Variants in BRINP3 observed in about 807,000 individuals in gnomAD.
The protein encoded by BRINP3 is BMP/retinoic acid-inducible neural-specific protein 3.
In BRINP3, 19 loss-of-function variants were observed where a neutral mutation model predicts 71.0. The ratio of observed to expected loss-of-function variants is 0.27; its 90% CI spans 0.19 to 0.39. The LOEUF (loss-of-function observed/expected upper bound fraction) is 0.39. BRINP3 is among the 10% of genes least tolerant of loss of function. The probability of loss-of-function intolerance (pLI) is 1.00; values close to 1 mark genes in which losing one functional copy is unlikely to be tolerated. For missense variants in BRINP3, 959 were observed against 940.8 expected (o/e 1.02, Z -0.25); for synonymous variants, 380 against 337.7 (o/e 1.13, Z -1.37).
intron 6 of BRINP3, among the ~76,000 whole-genome samples, chr1:190,199,327 A>G (rs141789077): frequency 0.015 from 2,310 of 152,214 alleles, 71 homozygotes; most frequent in African/African-American, 0.052. Context: ...TTGTATAACC[A>G]TTTTATTCTC....
chr1:190,450,164 A>G (rs958634376), intron 2 of BRINP3, among the ~76,000 whole-genome samples: 1 of 152,094 alleles, frequency 6.6e-6, no homozygotes, highest in Admixed American at 6.6e-5. Context: ...TCAAGGTAGG[A>G]TCCTGTCGTA....
At chr1:190,360,387 T>C (rs528368173) in intron 2 of BRINP3, among the ~76,000 whole-genome samples, 1 of 152,300 alleles carries the variant, frequency 6.6e-6, no homozygotes, top group African/African-American at 2.4e-5. Context: ...GATATATGTC[T>C]CTAGCTTGCT....
At chr1:190,282,329 A>ATT (rs1348494780) in intron 2 of BRINP3, among the ~76,000 whole-genome samples, 1 of 151,784 alleles carries the variant, frequency 6.6e-6, no homozygotes, top group Non-Finnish European at 1.5e-5. Flanking sequence ...ATGCAAAGTG[A>ATT]TTTTATGGAT....
At chr1:190,366,614 C>T (rs1220302115) in intron 2 of BRINP3, among the ~76,000 whole-genome samples, 78 of 152,088 alleles carry the variant, frequency 5.1e-4, no homozygotes, top group Admixed American at 5.1e-3. Context: ...AAGTCCTATG[C>T]CAAAGTCTCA....
chr1:190,115,869 C>CT (rs1198536430), intron 7 of BRINP3, among the ~76,000 whole-genome samples: 1 of 152,046 alleles, frequency 6.6e-6, no homozygotes, highest in African/African-American at 2.4e-5. Context: ...ATTTGGCTTT[C>CT]TTTTTACATT....
intron 2 of BRINP3, among the ~76,000 whole-genome samples, chr1:190,321,836 A>G (rs1229092298): frequency 2.0e-5 from 3 of 152,202 alleles, no homozygotes; most frequent in South Asian, 2.1e-4. Context: ...CAAACCTCAC[A>G]CCATTTGGAA....
chr1:190,275,716 G>A (rs1368383634), intron 3 of BRINP3, among the ~76,000 whole-genome samples: 2 of 151,524 alleles, frequency 1.3e-5, no homozygotes, highest in Non-Finnish European at 3.0e-5. Flanking sequence ...ATAATAAAAT[G>A]TCCAATGTTC....
chr1:190,219,053 TA>T (rs561992032), intron 6 of BRINP3, among the ~76,000 whole-genome samples: 111 of 152,060 alleles, frequency 7.3e-4, no homozygotes, highest in Middle Eastern at 3.4e-3. Context: ...GCAATGCAAA[TA>T]GGGGATTCAG....
chr1:190,362,022 A>G (rs1485476604), intron 2 of BRINP3: 2 of 152,150 alleles, frequency 1.3e-5, no homozygotes, highest in African/African-American at 4.8e-5. Context: ...AAAAGATACC[A>G]GATAACTTGG....
chr1:190,461,146 T>C (rs1018089344), intron 1 of BRINP3, among the ~76,000 whole-genome samples: 2 of 152,208 alleles, frequency 1.3e-5, no homozygotes, highest in Admixed American at 1.3e-4. Flanking sequence ...TTAAAATAAC[T>C]TATGAAATTA....
intron 7 of BRINP3, among the ~76,000 whole-genome samples, chr1:190,145,448 G>A (rs1655803559): frequency 6.6e-6 from 1 of 152,132 alleles, no homozygotes; most frequent in Non-Finnish European, 1.5e-5. Context: ...CTTTTGAACT[G>A]CTTTCTTTAG....
chr1:190,260,051 A>G (rs987704837), intron 4 of BRINP3, among the ~76,000 whole-genome samples: 17 of 143,380 alleles, frequency 1.2e-4, no homozygotes, highest in Non-Finnish European at 2.3e-4. Flanking sequence ...AAAAAAAAAA[A>G]GAAGCAACTT....
intron 7 of BRINP3, among the ~76,000 whole-genome samples, chr1:190,148,475 A>T (rs958882163): frequency 6.6e-6 from 1 of 151,694 alleles, no homozygotes; most frequent in African/African-American, 2.4e-5. Flanking sequence ...GGGCGCCTGT[A>T]GTCCCAGCTA....
chr1:190,197,449 T>C (rs1654587233), intron 6 of BRINP3, among the ~76,000 whole-genome samples: 2 of 152,182 alleles, frequency 1.3e-5, no homozygotes, highest in Admixed American at 1.3e-4. Flanking sequence ...CCCTTCCATC[T>C]ATGAGGCTGT....
At chr1:190,265,106 T>A (rs755802011) in intron 3 of BRINP3, 51 bp from the exon 4 acceptor site, 1 of 1,513,686 alleles carries the variant, frequency 6.6e-7, no homozygotes, top group Admixed American at 2.1e-5. Flanking sequence ...AAATCTTTTT[T>A]TTTAACTTAT....
intron 5 of BRINP3, among the ~76,000 whole-genome samples, chr1:190,228,497 A>G (rs1018927731): frequency 6.6e-6 from 1 of 151,644 alleles, no homozygotes; most frequent in Non-Finnish European, 1.5e-5. Flanking sequence ...AGAAGGCAGG[A>G]GAAGTAATTT....
chr1:190,134,454 AAAATAAAC>A lies in BRINP3; in HGVS notation c.1184+26206_1184+26213del, dbSNP rs200955682. 5.6e-3 allele frequency among the ~76,000 whole-genome samples: 851 copies of A among 152,274 alleles called. 10 individuals are homozygous for A. The highest frequency in any genetic ancestry group is 0.019 in the African/African-American group (790 of 41,578). ...CAGGGTAGAAAAAAATAGGTTTTAC[AAAATAAAC>A]ATCATAACTGCTGTGTGGAGAATGA... On this transcript the variant is annotated intron_variant, in intron 7 of 7. Transcript: ENST00000367462.
intron 7 of BRINP3, among the ~76,000 whole-genome samples, chr1:190,146,003 T>C (rs879783601): frequency 7.9e-5 from 12 of 152,106 alleles, no homozygotes; most frequent in Non-Finnish European, 1.2e-4. Flanking sequence ...AGTTAAGCTA[T>C]AAGGACTTAA....
chr1:190,426,278 G>C (rs1673701605), intron 2 of BRINP3, among the ~76,000 whole-genome samples: 1 of 151,674 alleles, frequency 6.6e-6, no homozygotes, highest in African/African-American at 2.4e-5. Flanking sequence ...AGCATCTCTG[G>C]ATCTTGGTAT....
Sources: gnomAD v4.1 joint callset for allele counts (sites outside exome capture counted in the v4.1 genomes callset) on GRCh38, gnomAD v4.1.1 for gene constraint, MANE v1.5 for transcripts, NCBI Gene and HGNC (gene_info 2026-07-23, HGNC 2026-07-21) for gene names.